Variants in ATRNL1 observed in about 807,000 individuals in gnomAD.
ATRNL1 encodes the protein attractin-like protein 1.
Under a neutral mutation model 182.7 loss-of-function variants are expected in ATRNL1, and 95 were observed. The observed-to-expected ratio is 0.52, with a 90% CI of 0.44 to 0.62. The LOEUF (loss-of-function observed/expected upper bound fraction) is 0.62. Ranked by LOEUF, ATRNL1 falls within the 20% of genes least tolerant of loss-of-function variation. The pLI is 0.00. For synonymous variants in ATRNL1, 576 were observed against 568.3 expected, an observed-to-expected ratio of 1.01 and a Z score of -0.19; for missense variants, 1,471 against 1,679.5, an observed-to-expected ratio of 0.88 and a Z score of 2.17.
At chr10:115,256,875 T>C (rs1851165925) in intron 10 of ATRNL1, among the ~76,000 whole-genome samples, 1 of 152,224 alleles carries the variant, frequency 6.6e-6, no homozygotes, top group African/African-American at 2.4e-5. Flanking sequence ...TCTTTCTGCC[T>C]TCATTTAGTT....
At chr10:115,646,203 C>T (rs1052141926) in intron 26 of ATRNL1, among the ~76,000 whole-genome samples, 1 of 151,898 alleles carries the variant, frequency 6.6e-6, no homozygotes, top group African/African-American at 2.4e-5. Context: ...TTCTAATATT[C>T]GTTTAAAACT....
intron 19 of ATRNL1, among the ~76,000 whole-genome samples, chr10:115,353,929 T>G (rs1379941566): frequency 1.3e-5 from 2 of 152,192 alleles, no homozygotes; most frequent in Non-Finnish European, 2.9e-5. Context: ...TATCTTTTCA[T>G]ATTGTCTATC....
At chr10:115,128,473 T>C in intron 4 of ATRNL1, 1 of 779,002 alleles carries the variant, frequency 1.3e-6, no homozygotes, top group Middle Eastern at 6.6e-4. Context: ...AATCAGCAAT[T>C]TATTATGGAA....
In ATRNL1 at chr10:115,160,294, C is replaced by G. The variant is rs782513490; in HGVS notation, c.1004+80C>G. 6.6e-6 allele frequency: 9 copies of G among 1,355,154 alleles called. No homozygotes were observed. In the African/African-American group the frequency reaches 7.4e-5, roughly 11 times the overall value. The allele number at this position is 1,355,154 out of a possible 1,614,324, so 83.9% of individuals were successfully genotyped here. A position where few individuals can be genotyped will look rare whatever the true frequency, so the allele number is the denominator to read the frequency against. On this transcript the variant is annotated intron_variant, in intron 6 of 28. Transcript: ENST00000355044. ...ATGTCTTTTTTTTTTAATTGTTGTC[C>G]GAGAGTAAAAGTGGTTATTTTTGTG...
At chr10:115,761,066 C>G (rs1000682536) in intron 27 of ATRNL1, among the ~76,000 whole-genome samples, 2 of 151,978 alleles carry the variant, frequency 1.3e-5, no homozygotes, top group East Asian at 1.9e-4. Flanking sequence ...AAGACTCTGA[C>G]CTATTTGAGG....
chr10:115,714,558 T>C (rs1166872819), intron 26 of ATRNL1, among the ~76,000 whole-genome samples: 1 of 152,194 alleles, frequency 6.6e-6, no homozygotes, highest in East Asian at 1.9e-4. Flanking sequence ...TATTATGTTC[T>C]TTATCTTCAC....
chr10:115,524,734 G>A (rs1451917648), intron 25 of ATRNL1, among the ~76,000 whole-genome samples: 1 of 152,142 alleles, frequency 6.6e-6, no homozygotes, highest in Non-Finnish European at 1.5e-5. Context: ...TAAAGAGTGG[G>A]GAAATGACCA....
intron 24 of ATRNL1, among the ~76,000 whole-genome samples, chr10:115,499,025 G>A (rs1304518430): frequency 2.0e-5 from 3 of 152,004 alleles, no homozygotes; most frequent in African/African-American, 7.2e-5. Flanking sequence ...CTATAAAATG[G>A]TGTTAAAAGC....
intron 26 of ATRNL1, among the ~76,000 whole-genome samples, chr10:115,675,775 C>A (rs1555042768): frequency 6.6e-6 from 1 of 152,016 alleles, no homozygotes; most frequent in African/African-American, 2.4e-5. Flanking sequence ...GCCAGATAGT[C>A]TTTTACATAC....
chr10:115,344,168 C>T (rs1187805021), intron 19 of ATRNL1, among the ~76,000 whole-genome samples: 1 of 152,108 alleles, frequency 6.6e-6, no homozygotes, highest in Non-Finnish European at 1.5e-5. Context: ...TGGGGCTCTA[C>T]AATCAGCAGG....
intron 26 of ATRNL1, among the ~76,000 whole-genome samples, chr10:115,582,351 A>G (rs1477781246): frequency 2.8e-5 from 4 of 143,506 alleles, no homozygotes; most frequent in African/African-American, 1.0e-4. Flanking sequence ...ACTAGTTTAC[A>G]GTCCCACCAA....
chr10:115,550,194 A>G (rs895850800), intron 26 of ATRNL1, among the ~76,000 whole-genome samples: 7 of 151,984 alleles, frequency 4.6e-5, no homozygotes, highest in Non-Finnish European at 1.0e-4. Flanking sequence ...AGTATGCAGT[A>G]GATTTATTGT....
At chr10:115,528,687 G>A (rs528933102) in intron 25 of ATRNL1, among the ~76,000 whole-genome samples, 1 of 151,816 alleles carries the variant, frequency 6.6e-6, no homozygotes, top group South Asian at 2.1e-4. Flanking sequence ...AATTTAGTTT[G>A]TTCTTTTTCT....
rs576476921 is a variant in ATRNL1 at position 115,882,790 on chromosome 10, G to C, written c.4018+34799G>C. ...TGCAGTGGCATTAGCCACTTTGTAT[G>C]GTGAATAGTTTTGTAAAATAGACAG... On this transcript the variant is annotated intron_variant, in intron 28 of 28. Transcript: ENST00000355044. 1.4e-3 allele frequency among the ~76,000 whole-genome samples: 217 copies of C among 152,300 alleles called. 3 individuals carry two copies. The highest frequency in any genetic ancestry group is 2.1e-3 in the Non-Finnish European group (146 of 68,032).
chr10:115,232,626 T>G (rs1184015161), intron 9 of ATRNL1, among the ~76,000 whole-genome samples: 4 of 152,108 alleles, frequency 2.6e-5, no homozygotes, highest in Admixed American at 6.6e-5. Context: ...TTACTTACCT[T>G]AGTGTTTTCA....
At chr10:115,217,436 TTC>T (rs1281652408) in intron 9 of ATRNL1, among the ~76,000 whole-genome samples, 2 of 152,132 alleles carry the variant, frequency 1.3e-5, no homozygotes, top group Non-Finnish European at 2.9e-5. Context: ...GAAGAATAAC[TTC>T]TGTATGAAGG....
At chr10:115,798,226 C>G (rs540443152) in intron 27 of ATRNL1, among the ~76,000 whole-genome samples, 46 of 152,252 alleles carry the variant, frequency 3.0e-4, no homozygotes, top group Non-Finnish European at 6.0e-4. Flanking sequence ...CTCTCAGAGA[C>G]TTCTTTTTAC....
intron 17 of ATRNL1, among the ~76,000 whole-genome samples, chr10:115,302,957 T>G (rs1270164400): frequency 1.3e-5 from 2 of 152,154 alleles, no homozygotes; most frequent in African/African-American, 4.8e-5. Context: ...ATCAAAAATA[T>G]GCCTTTTCAC....
At chr10:115,828,741 A>G (rs1474187758) in intron 27 of ATRNL1, among the ~76,000 whole-genome samples, 1 of 152,184 alleles carries the variant, frequency 6.6e-6, no homozygotes, top group Non-Finnish European at 1.5e-5. Flanking sequence ...TCTAACCTTC[A>G]TAATAGTCTA....
Sources: gnomAD v4.1 joint callset for allele counts (sites outside exome capture counted in the v4.1 genomes callset) on GRCh38, gnomAD v4.1.1 for gene constraint, MANE v1.5 for transcripts, NCBI Gene and HGNC (gene_info 2026-07-23, HGNC 2026-07-21) for gene names.